The following RBM26 variants were observed in gnomAD, a reference collection of about 807,000 sequenced individuals.
The protein encoded by RBM26 is RNA-binding protein 26.
RBM26 carries 30 observed loss-of-function variants against 123.6 expected under a neutral mutation model. The observed-to-expected ratio is 0.24, with a 90% CI of 0.18 to 0.33. The LOEUF (loss-of-function observed/expected upper bound fraction) is 0.33, where lower values mean the gene tolerates loss of function less well. Ranked by LOEUF, RBM26 falls within the 10% of genes least tolerant of loss-of-function variation. RBM26 has a pLI of 1.00. For synonymous variants in RBM26, 400 were observed against 404.4 expected, an observed-to-expected ratio of 0.99 and a Z score of 0.13; for missense variants, 947 against 1,203.6, an observed-to-expected ratio of 0.79 and a Z score of 3.15.
chr13:79,338,309 T>C (rs7321619), intron 18 of RBM26, among the ~76,000 whole-genome samples: 2,906 of 152,330 alleles, frequency 0.019, 70 homozygotes, highest in African/African-American at 0.065. Context: ...ACTTCAAAGA[T>C]TTGCAGTGAA....
At chr13:79,392,554 A>G (rs2140422955) in intron 1 of RBM26, among the ~76,000 whole-genome samples, 1 of 146,854 alleles carries the variant, frequency 6.8e-6, no homozygotes, top group South Asian at 2.1e-4. Context: ...AACATAATTA[A>G]TATGTAAAAT....
At chr13:79,325,563 AAAGT>A (rs1277879519) in intron 20 of RBM26, among the ~76,000 whole-genome samples, 3 of 152,196 alleles carry the variant, frequency 2.0e-5, no homozygotes, top group African/African-American at 4.8e-5. Context: ...GGATATAAAG[AAAGT>A]ATTTTTGTAC....
chr13:79,334,094 T>C (rs1047763613), intron 20 of RBM26, among the ~76,000 whole-genome samples: 2 of 152,184 alleles, frequency 1.3e-5, no homozygotes, highest in Non-Finnish European at 2.9e-5. Flanking sequence ...GAATCCCTGG[T>C]ATCTCACGAC....
intron 18 of RBM26, among the ~76,000 whole-genome samples, chr13:79,337,671 A>T (rs2070669097): frequency 6.6e-6 from 1 of 152,210 alleles, no homozygotes; most frequent in Non-Finnish European, 1.5e-5. Flanking sequence ...ATTCACAATA[A>T]ATACATTTTT....
intron 11 of RBM26, among the ~76,000 whole-genome samples, chr13:79,356,233 G>A (rs1425003472): frequency 1.3e-5 from 2 of 152,038 alleles, no homozygotes; most frequent in Non-Finnish European, 2.9e-5. Context: ...GCCGGGTGTG[G>A]TGGCACACAA....
At chr13:79,371,819 G>C (rs1345002085) in intron 4 of RBM26, 23 bp downstream of exon 4, 1 of 1,471,278 alleles carries the variant, frequency 6.8e-7, no homozygotes, top group East Asian at 2.3e-5. Flanking sequence ...GAAACACTGA[G>C]TATGGTTCAA....
At chr13:79,371,988 G>T in intron 3 of RBM26, 58 bp from the exon 4 acceptor site, 1 of 1,198,360 alleles carries the variant, frequency 8.3e-7, no homozygotes. Flanking sequence ...CTGTTAAATA[G>T]CCTTAGATAG....
intron 1 of RBM26, among the ~76,000 whole-genome samples, chr13:79,388,685 G>A (rs6563102): frequency 1 from 152,089 of 152,362 alleles, 75,909 homozygotes; most frequent in East Asian, 1. Context: ...TTAGGTAAGT[G>A]CATTAACAAC....
chr13:79,398,251 T>C (rs2078762645), intron 1 of RBM26, among the ~76,000 whole-genome samples: 1 of 152,230 alleles, frequency 6.6e-6, no homozygotes, highest in South Asian at 2.1e-4. Flanking sequence ...CTTCAGTTAG[T>C]CATTCTCAAG....
intron 11 of RBM26, among the ~76,000 whole-genome samples, chr13:79,356,034 C>G (rs745596781): frequency 1.2e-4 from 19 of 152,238 alleles, no homozygotes; most frequent in Middle Eastern, 3.4e-3. Flanking sequence ...GGTATATAAA[C>G]CACTGGTGGT....
At chr13:79,358,162 C>A (rs151068592) in intron 11 of RBM26, 112 bp downstream of exon 11, 71 of 938,096 alleles carry the variant, frequency 7.6e-5, no homozygotes, top group African/African-American at 2.1e-4. Context: ...GGATTACAGG[C>A]GTGAACCACC....
At chr13:79,337,664 C>G (rs961851554) in intron 18 of RBM26, among the ~76,000 whole-genome samples, 3 of 152,188 alleles carry the variant, frequency 2.0e-5, no homozygotes, top group Non-Finnish European at 4.4e-5. Flanking sequence ...TACCTACATT[C>G]ACAATAAATA....
In RBM26 at chr13:79,319,447, A is replaced by T. The variant is rs1412854711; in HGVS notation, c.*1174T>A. 3 of 983,950 alleles carry T rather than the reference A, an allele frequency of 3.0e-6. No homozygotes were observed. The highest frequency in any genetic ancestry group is 6.2e-5 in the Admixed American group (1 of 16,122). The allele number at this position is 983,950 out of a possible 1,614,324, so 61.0% of individuals were successfully genotyped here. On this transcript the variant is annotated 3_prime_UTR_variant, in exon 22 of 22. Coordinates refer to ENST00000438737, the MANE Select transcript of RBM26 (RefSeq NM_001366735.2). The stretch of plus-strand genomic sequence containing the variant: ...GTTCACTTGCAAAAGAAATCCACTT[A>T]AAAAAATCACAGTATTGTTGCAAAC...
Position 79,320,190 on chromosome 13 carries a change from G to C in RBM26, c.*431C>G, listed in dbSNP as rs2067524966. ...TATAATACATAACTTGGAGACTTTA[G>C]TTAGAGTACTATGTTATCTATTCAG... On this transcript the variant is annotated 3_prime_UTR_variant, in exon 22 of 22. Coordinates refer to ENST00000438737, the MANE Select transcript of RBM26 (RefSeq NM_001366735.2). 1.1e-6 allele frequency: 1 copy of C among 949,564 alleles called. No individual in the cohort carries two copies. The highest frequency in any genetic ancestry group is 1.3e-6 in the Non-Finnish European group (1 of 797,052). The allele number at this position is 949,564 out of a possible 1,614,324, so 58.8% of individuals were successfully genotyped here.
chr13:79,394,487 T>A (rs1192972564), intron 1 of RBM26, among the ~76,000 whole-genome samples: 7 of 152,208 alleles, frequency 4.6e-5, no homozygotes, highest in African/African-American at 1.7e-4. Context: ...ATATAAAGGC[T>A]TTCCATGAGT....
rs535666635 is a variant in RBM26, at chr13:79,346,833, A to G, written c.2059-2039T>C. Among the ~76,000 whole-genome samples the G allele has an allele frequency of 3.1e-4, 47 of 152,308 alleles. 2 individuals are homozygous for G. The South Asian group carries it at 9.7e-3, about 32-fold the overall frequency. Reference sequence around the variant, plus strand: ...ATATTAGTAGAGAAACACAGGATAAACTGAAAACAGAGCCTAATTAAGTTT... The same window carrying G: ...ATATTAGTAGAGAAACACAGGATAAGCTGAAAACAGAGCCTAATTAAGTTT... On this transcript the variant is annotated intron_variant, in intron 14 of 21. Coordinates refer to ENST00000438737, the MANE Select transcript of RBM26 (RefSeq NM_001366735.2).
chr13:79,331,571 G>A (rs569347687), intron 20 of RBM26, among the ~76,000 whole-genome samples: 7 of 151,650 alleles, frequency 4.6e-5, no homozygotes, highest in Admixed American at 1.3e-4. Context: ...GAGAGGCGGA[G>A]CTTGCAGTGA....
exon 5 of RBM26, chr13:79,312,928 T>C (rs545176919): frequency 2.0e-5 from 3 of 152,082 alleles, no homozygotes; most frequent in South Asian, 2.1e-4. Context: ...GAGGGGCCTG[T>C]ATCATTTTAA....
intron 19 of RBM26, among the ~76,000 whole-genome samples, chr13:79,336,320 T>C (rs995574114): frequency 6.6e-6 from 1 of 152,208 alleles, no homozygotes; most frequent in Non-Finnish European, 1.5e-5. Flanking sequence ...TTATAAATTA[T>C]GTCTGTAGTT....
Sources: allele counts gnomAD v4.1 joint callset (sites outside exome capture counted in the v4.1 genomes callset), GRCh38; gene constraint gnomAD v4.1.1; transcripts MANE v1.5; gene names NCBI Gene and HGNC (gene_info 2026-07-23, HGNC 2026-07-21).